The following KLHL6 variants were observed in gnomAD, a reference collection of about 807,000 sequenced individuals.
The protein encoded by KLHL6 is kelch-like protein 6.
In KLHL6, 41 loss-of-function variants were observed where a neutral mutation model predicts 58.6. The observed-to-expected ratio is 0.70, with a 90% CI of 0.55 to 0.91. The LOEUF (loss-of-function observed/expected upper bound fraction) is 0.91, where lower values mean the gene tolerates loss of function less well. Ranked by LOEUF, KLHL6 falls within the 40% of genes least tolerant of loss-of-function variation. The pLI, the probability that KLHL6 is intolerant of heterozygous loss-of-function variation, is 0.00. For missense variants in KLHL6, 714 were observed against 805.6 expected (o/e 0.89, Z 1.38); for synonymous variants, 338 against 322.7 (o/e 1.05, Z -0.51).
chr3:183,551,077 T>C (rs1326421840), intron 1 of KLHL6, among the ~76,000 whole-genome samples: 1 of 141,392 alleles, frequency 7.1e-6, no homozygotes, highest in Non-Finnish European at 1.5e-5. Context: ...GCGGAGATAC[T>C]GCCACTGCAC....
chr3:183,498,159 A>G (rs1717767095), intron 4 of KLHL6, among the ~76,000 whole-genome samples: 1 of 152,120 alleles, frequency 6.6e-6, no homozygotes, highest in Non-Finnish European at 1.5e-5. Flanking sequence ...ATTTGAACCC[A>G]GGAGGCAGAG....
At chr3:183,553,377 G>A (rs1713000977) in intron 1 of KLHL6, among the ~76,000 whole-genome samples, 1 of 152,190 alleles carries the variant, frequency 6.6e-6, no homozygotes, top group South Asian at 2.1e-4. Flanking sequence ...GAGAAGACCA[G>A]TGATCAACTC....
At chr3:183,512,080 T>G (rs1718203660) in intron 2 of KLHL6, among the ~76,000 whole-genome samples, 1 of 152,162 alleles carries the variant, frequency 6.6e-6, no homozygotes, top group African/African-American at 2.4e-5. Flanking sequence ...GATTTTCAGT[T>G]CAAAGACTAA....
chr3:183,549,320 T>A (rs1296845425), intron 1 of KLHL6, among the ~76,000 whole-genome samples: 1 of 152,196 alleles, frequency 6.6e-6, no homozygotes, highest in Non-Finnish European at 1.5e-5. Flanking sequence ...CCAATGATTG[T>A]AACACCAGGG....
rs1717501480 is a variant in KLHL6 at position 183,490,030 on chromosome 3, A to G, written c.*1897T>C. ...TGGGTAACGCAGTTACTATGTTGTTATCATTGTTGCTTTTTAAATACAGCA... is the reference window on the plus strand; with the variant it reads ...TGGGTAACGCAGTTACTATGTTGTTGTCATTGTTGCTTTTTAAATACAGCA... On this transcript the variant is annotated 3_prime_UTR_variant, in exon 7 of 7. Transcript: ENST00000341319. The G allele has an allele frequency of 6.6e-6, 1 of 152,208 alleles. No individual in the cohort carries two copies. The allele number at this position is 152,208 out of a possible 1,614,324, so 9.4% of individuals were successfully genotyped here. A position where few individuals can be genotyped will look rare whatever the true frequency, so the allele number is the denominator to read the frequency against.
At chr3:183,535,208 G>T (rs1263746349) in intron 1 of KLHL6, among the ~76,000 whole-genome samples, 1 of 152,182 alleles carries the variant, frequency 6.6e-6, no homozygotes, top group African/African-American at 2.4e-5. Flanking sequence ...CTCCCAAAGT[G>T]CTGGGATTAC....
intron 4 of KLHL6, among the ~76,000 whole-genome samples, chr3:183,497,560 T>A (rs1717748500): frequency 6.6e-6 from 1 of 151,624 alleles, no homozygotes; most frequent in Non-Finnish European, 1.5e-5. Flanking sequence ...GTAAGGGAGG[T>A]CATGTGGCTA....
chr3:183,525,280 A>C (rs1437566289), intron 2 of KLHL6, among the ~76,000 whole-genome samples: 1 of 151,470 alleles, frequency 6.6e-6, no homozygotes, highest in East Asian at 1.9e-4. Flanking sequence ...ACACACACAC[A>C]CACACACACA....
At chr3:183,506,043 G>A (rs1477369636) in intron 3 of KLHL6, among the ~76,000 whole-genome samples, 1 of 152,178 alleles carries the variant, frequency 6.6e-6, no homozygotes, top group Non-Finnish European at 1.5e-5. Context: ...AACTCTAAAA[G>A]AACCTCAGAC....
rs763577135 is a variant in KLHL6, at chr3:183,492,754, A to T, written c.1351-47T>A. On this transcript the variant is annotated intron_variant, in intron 5 of 6. Coordinates refer to ENST00000341319, the MANE Select transcript of KLHL6 (RefSeq NM_130446.4). The surrounding 1 kb of genome is among the most constrained non-coding windows in gnomAD (Gnocchi z 5.9). Reference sequence around the variant, plus strand: ...GAAGAAGCTGTCAGTCATGCTGCCCAGATTGCTGCAGTAGCTCCCAGGATA... The same window carrying T: ...GAAGAAGCTGTCAGTCATGCTGCCCTGATTGCTGCAGTAGCTCCCAGGATA... 6.4e-7 allele frequency: 1 copy of T among 1,561,592 alleles called. No individual in the cohort carries two copies.
intron 1 of KLHL6, among the ~76,000 whole-genome samples, chr3:183,555,035 A>G (rs1247990401): frequency 6.6e-6 from 1 of 152,108 alleles, no homozygotes; most frequent in Non-Finnish European, 1.5e-5. Context: ...GTTGTGGTGC[A>G]TGCCTGCAAA....
intron 3 of KLHL6, among the ~76,000 whole-genome samples, chr3:183,502,377 T>C (rs1717891081): frequency 6.6e-6 from 1 of 151,952 alleles, no homozygotes; most frequent in Non-Finnish European, 1.5e-5. Context: ...ATCATTGTGG[T>C]AGTGAGCATC....
Position 183,523,403 on chromosome 3 carries a change from T to A in KLHL6, c.459+4442A>T, listed in dbSNP as rs7618223. Among the ~76,000 whole-genome samples, 622 of 152,346 alleles carry A rather than the reference T, an allele frequency of 4.1e-3. 8 individuals carry two copies. Among genetic ancestry groups the A allele is most frequent in the African/African-American group, 0.014 (596 of 41,582 alleles). ...TCTCCTCTAACTGCCACCATGTCAC[T>A]GCCCCAGAGGGTTCTGTGGGAGCCC... On this transcript the variant is annotated intron_variant, in intron 2 of 6. Transcript: ENST00000341319.
At chr3:183,547,208 C>T (rs1414725459) in intron 1 of KLHL6, among the ~76,000 whole-genome samples, 1 of 152,142 alleles carries the variant, frequency 6.6e-6, no homozygotes, top group Non-Finnish European at 1.5e-5. Context: ...CCACTGCACC[C>T]GACCTCAGAG....
intron 2 of KLHL6, among the ~76,000 whole-genome samples, chr3:183,510,713 A>G (rs1216429547): frequency 2.6e-5 from 4 of 152,056 alleles, no homozygotes; most frequent in Non-Finnish European, 5.9e-5. Context: ...CGTCTCTACT[A>G]AAAATACAAA....
In KLHL6 at chr3:183,507,600, T is replaced by G. The variant is rs185421589; in HGVS notation, c.909+459A>C. On this transcript the variant is annotated intron_variant, in intron 3 of 6. Coordinates refer to ENST00000341319, the MANE Select transcript of KLHL6 (RefSeq NM_130446.4). Reference sequence around the variant, plus strand: ...GTGCATGCCACCATGCCCACCTAATTTTTTTGTATTTTTAAGTAGAGACAG... The same window carrying G: ...GTGCATGCCACCATGCCCACCTAATGTTTTTGTATTTTTAAGTAGAGACAG... Among the ~76,000 whole-genome samples the G allele has an allele frequency of 2.0e-5, 3 of 151,968 alleles. No homozygotes were observed. In the East Asian group the frequency reaches 5.8e-4, roughly 29 times the overall value.
intron 2 of KLHL6, chr3:183,522,537 A>G (rs1711802800): frequency 6.6e-6 from 1 of 152,232 alleles, no homozygotes; most frequent in African/African-American, 2.4e-5. Context: ...TTTCTTGCCT[A>G]GATTGACTGG....
chr3:183,507,991 T>C (rs1390456775), intron 3 of KLHL6, 68 bp downstream of exon 3: 25 of 1,401,518 alleles, frequency 1.8e-5, no homozygotes, highest in Non-Finnish European at 2.5e-5. Flanking sequence ...TTTGCTTGCA[T>C]CTCTGTGAGC....
chr3:183,520,112 T>C (rs966531515), intron 2 of KLHL6: 5 of 151,936 alleles, frequency 3.3e-5, no homozygotes, highest in Non-Finnish European at 7.4e-5. Context: ...AGGGAGGCTG[T>C]GAAGGAGAGT....
Sources: allele counts gnomAD v4.1 joint callset (sites outside exome capture counted in the v4.1 genomes callset), GRCh38; gene constraint gnomAD v4.1.1; non-coding constraint Gnocchi (gnomAD v3.1); transcripts MANE v1.5; gene names NCBI Gene and HGNC (gene_info 2026-07-23, HGNC 2026-07-21).